Variants in FNBP4 observed in about 807,000 individuals in gnomAD.
The protein encoded by FNBP4 is formin binding protein 4.
A neutral mutation model predicts 119.3 loss-of-function variants in FNBP4; 34 were observed. The ratio of observed to expected loss-of-function variants is 0.28; its 90% CI spans 0.22 to 0.38. The LOEUF is 0.38. FNBP4 is among the 10% of genes least tolerant of loss of function. The probability of loss-of-function intolerance (pLI) is 1.00; values close to 1 mark genes in which losing one functional copy is unlikely to be tolerated. For synonymous variants in FNBP4, 462 were observed against 430.6 expected, an observed-to-expected ratio of 1.07 and a Z score of -0.90; for missense variants, 1,112 against 1,228.9, an observed-to-expected ratio of 0.90 and a Z score of 1.42.
rs962634789 is a variant in FNBP4, at chr11:47,732,066, G to GA, written c.1820+470dup. On this transcript the variant is annotated intron_variant, in intron 11 of 16. Coordinates refer to ENST00000263773, the MANE Select transcript of FNBP4 (RefSeq NM_015308.5). The surrounding 1 kb of genome is among the most constrained non-coding windows in gnomAD (Gnocchi z 4.2). ...TAAAAGAGCAAAGATTTCAAATAAC[G>GA]AAAAAAAAATCAAGAAAAGCCAAAT... 121 of 988,036 alleles carry GA rather than the reference G, an allele frequency of 1.2e-4. No homozygotes were observed. Among genetic ancestry groups the GA allele is most frequent in the African/African-American group, 7.0e-4 (40 of 56,996 alleles). The allele number at this position is 988,036 out of a possible 1,614,324, so 61.2% of individuals were successfully genotyped here.
chr11:47,756,038 A>G (rs1185993248), intron 2 of FNBP4, among the ~76,000 whole-genome samples: 3 of 152,214 alleles, frequency 2.0e-5, no homozygotes, highest in Admixed American at 1.3e-4. Flanking sequence ...CTTTTAATCA[A>G]TGATTATTCC....
intron 2 of FNBP4, among the ~76,000 whole-genome samples, chr11:47,764,843 T>C (rs2097643410): frequency 6.6e-6 from 1 of 152,206 alleles, no homozygotes; most frequent in Non-Finnish European, 1.5e-5. Context: ...CCCAGGTTTG[T>C]CTACAAAACC....
chr11:47,765,209 C>T (rs1479791052), intron 2 of FNBP4, 61 bp downstream of exon 2: 1 of 1,109,354 alleles, frequency 9.0e-7, no homozygotes, highest in African/African-American at 1.6e-5. Flanking sequence ...ATGTACAAAC[C>T]CAACTTGACT....
chr11:47,746,405 C>T lies in FNBP4; in HGVS notation c.907-11G>A. 1 of 1,570,984 alleles carries T rather than the reference C, an allele frequency of 6.4e-7. No individual in the cohort carries two copies. The highest frequency in any genetic ancestry group is 1.2e-5 in the South Asian group (1 of 83,690). On this transcript the variant is annotated splice_polypyrimidine_tract_variant and intron_variant, in intron 6 of 16. Transcript: ENST00000263773. ...TCCTTCATTTACTTCCTATAAAGAA[C>T]AAAATAATTTAGTCTCATTTAATTC...
chr11:47,743,570 A>G (rs528419282), intron 8 of FNBP4, among the ~76,000 whole-genome samples: 2 of 152,298 alleles, frequency 1.3e-5, no homozygotes, highest in East Asian at 3.9e-4. Flanking sequence ...TAGATTAAAA[A>G]ATGCAGCAGG....
chr11:47,731,732 G>C (rs1370437269), intron 11 of FNBP4, 171 bp from the exon 12 acceptor site: 1 of 1,372,684 alleles, frequency 7.3e-7, no homozygotes, highest in Non-Finnish European at 9.3e-7. Flanking sequence ...GAGAACCAAG[G>C]ATAATTCAAA....
In FNBP4 at chr11:47,717,388, A is replaced by G; in HGVS notation, c.*34T>C. On this transcript the variant is annotated 3_prime_UTR_variant, in exon 17 of 17. Coordinates refer to ENST00000263773, the MANE Select transcript of FNBP4 (RefSeq NM_015308.5). ...AGACTTTGAACTGAACACAAAACAA[A>G]CAATAATACAAAAAAGTTTTAAAAA... 2.1e-6 allele frequency: 3 copies of G among 1,425,600 alleles called. No homozygotes were observed. Among genetic ancestry groups the G allele is most frequent in the Non-Finnish European group, 9.8e-7 (1 of 1,020,114 alleles). The allele number at this position is 1,425,600 out of a possible 1,614,324, so 88.3% of individuals were successfully genotyped here. A position where few individuals can be genotyped will look rare whatever the true frequency, so the allele number is the denominator to read the frequency against.
At chr11:47,742,477 C>CAAAAAAAAAAA (rs568784009) in intron 8 of FNBP4, among the ~76,000 whole-genome samples, 1,316 of 23,788 alleles carry the variant, frequency 0.055, 418 homozygotes, top group South Asian at 0.085. Context: ...GACTCCGTCT[C>CAAAAAAAAAAA]AAAAAAAAAA....
intron 4 of FNBP4, among the ~76,000 whole-genome samples, 154 bp from the exon 5 acceptor site, chr11:47,751,444 G>C (rs1465160507): frequency 6.6e-5 from 10 of 151,892 alleles, no homozygotes. Context: ...CCTATGTGGA[G>C]GTTTTAGCAG....
At chr11:47,747,173 G>T (rs186139148) in intron 6 of FNBP4, among the ~76,000 whole-genome samples, 230 of 152,078 alleles carry the variant, frequency 1.5e-3, no homozygotes, top group African/African-American at 5.2e-3. Context: ...CAAGTAGCTG[G>T]GATTACAGGG....
intron 12 of FNBP4, chr11:47,729,638 C>A: frequency 4.2e-6 from 4 of 956,068 alleles, no homozygotes; most frequent in Non-Finnish European, 5.0e-6. Context: ...ACCTCCCAAA[C>A]AGCTCGGACT....
intron 15 of FNBP4, among the ~76,000 whole-genome samples, chr11:47,721,013 T>C (rs992516516): frequency 9.9e-5 from 15 of 151,842 alleles, no homozygotes; most frequent in African/African-American, 2.7e-4. Flanking sequence ...TAATTAAATA[T>C]GAAAAAAAGC....
chr11:47,732,475 T>C lies in FNBP4; in HGVS notation c.1820+62A>G. 1 of 1,606,914 alleles carries C rather than the reference T, an allele frequency of 6.2e-7. No homozygotes were observed. Among genetic ancestry groups the C allele is most frequent in the South Asian group, 1.1e-5 (1 of 90,508 alleles). On this transcript the variant is annotated intron_variant, in intron 11 of 16. Transcript: ENST00000263773. This position sits in a 1 kb window ranked among gnomAD's most constrained non-coding sequence, Gnocchi z 4.2. ...AGGCTGTCATGTCGTCAGATGGTGGTGATCACAAATCATGTCTGAGATGTC... is the reference window on the plus strand; with the variant it reads ...AGGCTGTCATGTCGTCAGATGGTGGCGATCACAAATCATGTCTGAGATGTC...
intron 2 of FNBP4, among the ~76,000 whole-genome samples, chr11:47,757,158 A>G (rs992014999): frequency 2.0e-5 from 3 of 152,176 alleles, no homozygotes; most frequent in Non-Finnish European, 4.4e-5. Flanking sequence ...TTACACTCCC[A>G]CTAACAGCAT....
Position 47,716,529 on chromosome 11 carries a change from A to G in FNBP4, c.*893T>C, listed in dbSNP as rs2097550012. On this transcript the variant is annotated 3_prime_UTR_variant, in exon 17 of 17. Coordinates refer to ENST00000263773, the MANE Select transcript of FNBP4 (RefSeq NM_015308.5). The stretch of plus-strand genomic sequence containing the variant: ...AAAGGATAACCCATCAGGATTATAA[A>G]AAAAGCTTTATTAGTGCATATATAC... The G allele has an allele frequency of 6.5e-6, 1 of 152,676 alleles. No homozygotes were observed. Among genetic ancestry groups the G allele is most frequent in the African/African-American group, 2.4e-5 (1 of 41,464 alleles). 9.5% of individuals were successfully genotyped at this position (152,676 alleles called of 1,614,324 possible). A position where few individuals can be genotyped will look rare whatever the true frequency, so the allele number is the denominator to read the frequency against.
At chr11:47,750,849 C>T (rs11039366) in intron 6 of FNBP4, 67 bp downstream of exon 6, 1,532,980 of 1,534,352 alleles carry the variant, frequency 1, 765,816 homozygotes, top group South Asian at 1. Flanking sequence ...AAGGCTTCCA[C>T]TCCTGTGCTC....
At position 47,751,275 on chromosome 11, in the gene FNBP4, C is replaced by T. The variant is rs200179746; in HGVS notation, c.653G>A (p.Gly218Asp). The T allele has an allele frequency of 7.8e-5, 126 of 1,613,974 alleles. No homozygotes were observed. The highest frequency in any genetic ancestry group is 1.1e-4 in the Non-Finnish European group (125 of 1,180,036). The change falls in exon 5 of 17, where the codon GGC becomes GAC. Residue 218 changes from glycine to aspartate, a missense_variant. By Grantham distance (94) the Gly-to-Asp change is moderately conservative. Transcript: ENST00000263773. Reference protein sequence around the residue: ...CSLAGVGIEMGDWQEVWDENT... With the variant: ...CSLAGVGIEMDDWQEVWDENT... ...CTCATCCCAGACTTCCTGCCAATCG[C>T]CCATCTCAATTCCGACTAGAAGATA...
chr11:47,739,292 C>T (rs1030854079), intron 8 of FNBP4, among the ~76,000 whole-genome samples: 14 of 152,078 alleles, frequency 9.2e-5, no homozygotes, highest in Non-Finnish European at 2.9e-5. Flanking sequence ...TTTACCTGAT[C>T]GTTAATATTC....
intron 12 of FNBP4, chr11:47,729,540 TTC>T (rs1194325783): frequency 1.0e-4 from 103 of 981,530 alleles, no homozygotes; most frequent in Non-Finnish European, 1.2e-4. Context: ...CAGGGTCTTG[TTC>T]TCTGTCGCTC....
Sources: allele counts gnomAD v4.1 joint callset (sites outside exome capture counted in the v4.1 genomes callset), GRCh38; gene constraint gnomAD v4.1.1; non-coding constraint Gnocchi (gnomAD v3.1); transcripts MANE v1.5; gene names NCBI Gene and HGNC (gene_info 2026-07-23, HGNC 2026-07-21).